The following SYN3 variants were observed in gnomAD, a reference collection of about 807,000 sequenced individuals.
SYN3 encodes synapsin-3.
In SYN3, 35 loss-of-function variants were observed where a neutral mutation model predicts 65.8. The observed-to-expected ratio is 0.53, with a 90% confidence interval of 0.41 to 0.70. The LOEUF (loss-of-function observed/expected upper bound fraction) is 0.70, where lower values mean the gene tolerates loss of function less well. Ranked by LOEUF, SYN3 falls within the 30% of genes least tolerant of loss-of-function variation. The probability of loss-of-function intolerance (pLI) is 0.00; values close to 1 mark genes in which losing one functional copy is unlikely to be tolerated. For missense variants in SYN3, 680 were observed against 749.0 expected (o/e 0.91, Z 1.08); for synonymous variants, 270 against 292.9 (o/e 0.92, Z 0.80).
intron 6 of SYN3, among the ~76,000 whole-genome samples, chr22:32,731,724 C>A (rs560512070): frequency 1.3e-5 from 2 of 152,270 alleles, no homozygotes; most frequent in East Asian, 1.9e-4. Context: ...AAATCCTCCA[C>A]GGTTAATGAC....
chr22:33,042,960 TC>T (rs1191880393), intron 1 of SYN3, among the ~76,000 whole-genome samples: 1 of 152,168 alleles, frequency 6.6e-6, no homozygotes, highest in Non-Finnish European at 1.5e-5. Flanking sequence ...TTCTCACACT[TC>T]CTACTGCTCT....
chr22:32,979,249 T>C (rs1356363722), intron 3 of SYN3, among the ~76,000 whole-genome samples: 2 of 151,872 alleles, frequency 1.3e-5, no homozygotes, highest in African/African-American at 4.8e-5. Flanking sequence ...CCTCTCCTCC[T>C]AGACCACAGG....
At chr22:32,670,426 C>G (rs1476957626) in intron 6 of SYN3, among the ~76,000 whole-genome samples, 1 of 152,172 alleles carries the variant, frequency 6.6e-6, no homozygotes, top group Admixed American at 6.5e-5. Flanking sequence ...TTAATATAAG[C>G]ACAAAACAGA....
intron 2 of SYN3, among the ~76,000 whole-genome samples, chr22:33,001,882 T>C (rs2053069592): frequency 6.6e-6 from 1 of 152,198 alleles, no homozygotes; most frequent in African/African-American, 2.4e-5. Context: ...CATACTGCCA[T>C]TTATTAAGTT....
At chr22:32,575,608 C>T (rs2058839830) in intron 7 of SYN3, among the ~76,000 whole-genome samples, 1 of 152,166 alleles carries the variant, frequency 6.6e-6, no homozygotes, top group South Asian at 2.1e-4. Context: ...TTTGCTCCTC[C>T]ACTCACCAAG....
chr22:32,973,254 T>C (rs147206449), intron 3 of SYN3, among the ~76,000 whole-genome samples: 15 of 152,312 alleles, frequency 9.8e-5, no homozygotes, highest in Non-Finnish European at 1.6e-4. Context: ...TATTTGCTCA[T>C]TGCATTTAAA....
rs561372441 is a variant in SYN3 at position 32,857,903 on chromosome 22, A to G, written c.711+7012T>C. 56 of 1,534,636 alleles carry G rather than the reference A, an allele frequency of 3.6e-5. 1 individual carries two copies. In the Middle Eastern group the frequency reaches 6.8e-4, roughly 19 times the overall value. ...AGGGTGAAATAAAATCATGGGTCTG[A>G]AAAGTACCCAGCCACAGTGCCTGGG... On this transcript the variant is annotated intron_variant, in intron 6 of 13. Coordinates refer to ENST00000358763, the MANE Select transcript of SYN3 (RefSeq NM_003490.4).
At chr22:32,605,290 G>A (rs16990831) in intron 6 of SYN3, among the ~76,000 whole-genome samples, 12,657 of 152,188 alleles carry the variant, frequency 0.083, 811 homozygotes, top group East Asian at 0.27. Context: ...GAATTAGGGC[G>A]GACAGATCAG....
intron 12 of SYN3, among the ~76,000 whole-genome samples, chr22:32,525,353 C>T (rs955961183): frequency 1.3e-5 from 2 of 152,168 alleles, no homozygotes; most frequent in African/African-American, 4.8e-5. Flanking sequence ...TGATGAGGAG[C>T]TGCTTCTTAT....
At chr22:32,670,250 G>C (rs1313164132) in intron 6 of SYN3, among the ~76,000 whole-genome samples, 1 of 152,084 alleles carries the variant, frequency 6.6e-6, no homozygotes, top group Non-Finnish European at 1.5e-5. Flanking sequence ...ATTAGAACTA[G>C]ATATATCTCC....
At chr22:32,671,091 A>G (rs1428090994) in intron 6 of SYN3, among the ~76,000 whole-genome samples, 1 of 152,218 alleles carries the variant, frequency 6.6e-6, no homozygotes, top group African/African-American at 2.4e-5. Context: ...ATATCTGTCA[A>G]GTGATGATGT....
At chr22:32,612,918 C>T (rs369299112) in intron 6 of SYN3, among the ~76,000 whole-genome samples, 10 of 152,242 alleles carry the variant, frequency 6.6e-5, no homozygotes, top group African/African-American at 2.2e-4. Flanking sequence ...TTATATTTCC[C>T]AATGTTGGGA....
At chr22:32,539,240 T>C (rs1427269526) in intron 8 of SYN3, among the ~76,000 whole-genome samples, 1 of 151,990 alleles carries the variant, frequency 6.6e-6, no homozygotes, top group Non-Finnish European at 1.5e-5. Context: ...TGCACCGTAG[T>C]TGGCAAGGTT....
At chr22:32,516,681 C>G (rs979971501) in intron 13 of SYN3, among the ~76,000 whole-genome samples, 3 of 152,170 alleles carry the variant, frequency 2.0e-5, no homozygotes, top group Non-Finnish European at 2.9e-5. Flanking sequence ...CCTTTTAGAT[C>G]TTTGAACTAT....
intron 4 of SYN3, among the ~76,000 whole-genome samples, chr22:32,918,149 C>T (rs985023034): frequency 6.6e-6 from 1 of 152,248 alleles, no homozygotes. Context: ...GATTCTTATT[C>T]ATGCAAAGAG....
At chr22:32,631,157 TG>T (rs2059742400) in intron 6 of SYN3, among the ~76,000 whole-genome samples, 1 of 152,016 alleles carries the variant, frequency 6.6e-6, no homozygotes, top group Admixed American at 6.6e-5. Context: ...TAACTGGGCG[TG>T]GTGGCATGCG....
At chr22:32,631,103 T>C (rs973316225) in intron 6 of SYN3, among the ~76,000 whole-genome samples, 1 of 151,954 alleles carries the variant, frequency 6.6e-6, no homozygotes, top group Non-Finnish European at 1.5e-5. Flanking sequence ...GAGACCAGCT[T>C]GGACAACATG....
rs2047758929 is a variant in SYN3 at position 32,837,264 on chromosome 22, G to A, written c.711+27651C>T. On this transcript the variant is annotated intron_variant, in intron 6 of 13. Coordinates refer to ENST00000358763, the MANE Select transcript of SYN3 (RefSeq NM_003490.4). This position sits in a 1 kb window ranked among gnomAD's most constrained non-coding sequence, Gnocchi z 4.1. ...CATGCTGCTATTCTGGTGGCCACTT[G>A]TGTGGGATAAAGTTTCCCATGGGCC... Among the ~76,000 whole-genome samples the A allele has an allele frequency of 6.6e-6, 1 of 152,204 alleles. No individual in the cohort carries two copies. The highest frequency in any genetic ancestry group is 1.5e-5 in the Non-Finnish European group (1 of 68,040).
At chr22:32,677,501 A>G (rs1487071247) in intron 6 of SYN3, among the ~76,000 whole-genome samples, 2 of 152,186 alleles carry the variant, frequency 1.3e-5, no homozygotes, top group Non-Finnish European at 2.9e-5. Context: ...GAGTCATATC[A>G]AAATGACACA....
Sources: gnomAD v4.1 joint callset for allele counts (sites outside exome capture counted in the v4.1 genomes callset) on GRCh38, gnomAD v4.1.1 for gene constraint, Gnocchi (gnomAD v3.1) non-coding constraint, MANE v1.5 for transcripts, NCBI Gene and HGNC (gene_info 2026-07-23, HGNC 2026-07-21) for gene names.